Variants in PGLYRP3 observed in about 807,000 individuals in gnomAD.
The protein encoded by PGLYRP3 is peptidoglycan recognition protein I alpha.
Under a neutral mutation model 36.0 loss-of-function variants are expected in PGLYRP3, and 39 were observed. That is an observed-to-expected ratio of 1.08 (90% CI 0.84 to 1.41). The LOEUF (loss-of-function observed/expected upper bound fraction) is 1.41. PGLYRP3 is among the 40% of genes most tolerant of loss of function. The pLI, the probability that PGLYRP3 is intolerant of heterozygous loss-of-function variation, is 0.00. For missense variants in PGLYRP3, 407 were observed against 427.9 expected (o/e 0.95, Z 0.43); for synonymous variants, 204 against 172.8 (o/e 1.18, Z -1.42).
chr1:153,307,496 G>C (rs1280144546), intron 2 of PGLYRP3, among the ~76,000 whole-genome samples: 1 of 152,084 alleles, frequency 6.6e-6, no homozygotes, highest in Non-Finnish European at 1.5e-5. Flanking sequence ...CTTGTTCCCA[G>C]ACAATCTCTC....
Position 153,307,084 on chromosome 1 carries a change from C to T in PGLYRP3, c.239G>A (p.Trp80Ter). 6.2e-7 allele frequency: 1 copy of T among 1,613,810 alleles called. No homozygotes were observed. The change falls in exon 3 of 8, where the codon TGG becomes TAG. Residue 80 changes from tryptophan (W) to a stop codon, truncating the protein, a stop_gained. Transcript: ENST00000683862. LOFTEE classifies it high-confidence loss of function. ...LQSHSVYTIG[W>*]CDVAYNFLVG... ...CTCTTACTTGTACGCCACGTCGCAC[C>T]AGCCTATGGTGTAGACGGAATGGGA...
Position 153,310,650 on chromosome 1 carries a change from A to G in PGLYRP3, c.16T>C (p.Trp6Arg), listed in dbSNP as rs368151243. MGTLP[W>R]LLAFFILGLQ... ...CCCAGAATGAAGAAGGCAAGAAGCC[A>G]TGGCAGCGTCCCCATGTGGTCCCAG... is the stretch of plus-strand genomic sequence containing the variant. Residue 6 changes from tryptophan to arginine, a missense_variant, in exon 2 of 8, where the codon TGG (tryptophan) becomes CGG (arginine). Coordinates refer to ENST00000683862, the MANE Select transcript of PGLYRP3 (RefSeq NM_052891.3). 1 of 1,614,044 alleles carries G rather than the reference A, an allele frequency of 6.2e-7. No homozygotes were observed.
At chr1:153,302,632 A>T in intron 5 of PGLYRP3, 25 bp from the exon 6 acceptor site, 1 of 1,612,330 alleles carries the variant, frequency 6.2e-7, no homozygotes, top group Non-Finnish European at 8.5e-7. Flanking sequence ...AAAGCCAAGG[A>T]AGTAGGAATT....
At chr1:153,311,077 A>G (rs1453187996) in intron 1 of PGLYRP3, among the ~76,000 whole-genome samples, 1 of 152,060 alleles carries the variant, frequency 6.6e-6, no homozygotes, top group African/African-American at 2.4e-5. Context: ...GCAATTTCAT[A>G]TTTGATTCAA....
intron 4 of PGLYRP3, 80 bp from the exon 5 acceptor site, chr1:153,304,089 G>A: frequency 7.4e-7 from 1 of 1,351,152 alleles, no homozygotes; most frequent in Non-Finnish European, 1.0e-6. Flanking sequence ...AGGATGATAT[G>A]ACCACTTGAG....
chr1:153,297,813 A>T lies in PGLYRP3; in HGVS notation c.*143T>A. On this transcript the variant is annotated 3_prime_UTR_variant, in exon 8 of 8. Transcript: ENST00000683862. ...TTGGGGGCTCCTGGAGGATGTTGGCAGGAAAGGACATGACCATTCAAACCT... is the reference window on the plus strand; with the variant it reads ...TTGGGGGCTCCTGGAGGATGTTGGCTGGAAAGGACATGACCATTCAAACCT... The T allele has an allele frequency of 1.1e-6, 1 of 919,652 alleles. No homozygotes were observed. The highest frequency in any genetic ancestry group is 1.6e-6 in the Non-Finnish European group (1 of 613,250). 57.0% of individuals were successfully genotyped at this position (919,652 alleles called of 1,614,324 possible). A position where few individuals can be genotyped will look rare whatever the true frequency, so the allele number is the denominator to read the frequency against.
Position 153,297,919 on chromosome 1 carries a change from G to C in PGLYRP3, c.*37C>G. Reference sequence around the variant, plus strand: ...GGTGAGGGTTGGAGAGACCCAGCAGGGGAGGGAGGGCAGTCTCAAAGGGAG... The same window carrying C: ...GGTGAGGGTTGGAGAGACCCAGCAGCGGAGGGAGGGCAGTCTCAAAGGGAG... On this transcript the variant is annotated 3_prime_UTR_variant, in exon 8 of 8. Transcript: ENST00000683862. The C allele has an allele frequency of 6.2e-7, 1 of 1,604,390 alleles. No individual in the cohort carries two copies. Among genetic ancestry groups the C allele is most frequent in the Non-Finnish European group, 8.5e-7 (1 of 1,173,562 alleles).
Position 153,297,968 on chromosome 1 carries a change from A to G in PGLYRP3, c.1014T>C (p.His338=). The change falls in exon 8 of 8, where the codon CAT becomes CAC. Residue 338 remains histidine, a synonymous_variant. Transcript: ENST00000683862. The stretch of plus-strand genomic sequence containing the variant: ...AGTGGGGCCTCCTTCAGTGCTTGAA[A>G]TGAGGCCAGGTGCTGATGATGTTAT... The part of the protein sequence containing the change: ...ALYNIISTWP[H]FKH The G allele has an allele frequency of 6.2e-7, 1 of 1,613,884 alleles. No individual in the cohort carries two copies. The highest frequency in any genetic ancestry group is 1.1e-5 in the South Asian group (1 of 91,058).
At chr1:153,302,882 C>T (rs1038984994) in intron 5 of PGLYRP3, among the ~76,000 whole-genome samples, 1 of 152,142 alleles carries the variant, frequency 6.6e-6, no homozygotes, top group African/African-American at 2.4e-5. Context: ...GTGGGTTATA[C>T]AGAGGCATGG....
At chr1:153,305,621 C>T (rs1028175730) in intron 3 of PGLYRP3, among the ~76,000 whole-genome samples, 4 of 152,230 alleles carry the variant, frequency 2.6e-5, no homozygotes, top group Non-Finnish European at 5.9e-5. Context: ...TTTCTCTCCT[C>T]CACTTTCCAA....
At chr1:153,302,386 CT>C (rs1335851934) in intron 6 of PGLYRP3, 22 bp downstream of exon 6, 34 of 1,611,200 alleles carry the variant, frequency 2.1e-5, no homozygotes, top group Non-Finnish European at 2.7e-5. Flanking sequence ...AAAGAGGGTT[CT>C]TTTGGCATTG....
Position 153,298,150 on chromosome 1 carries a change from T to C in PGLYRP3, c.848-16A>G. 1 of 1,612,874 alleles carries C rather than the reference T, an allele frequency of 6.2e-7. No homozygotes were observed. The highest frequency in any genetic ancestry group is 8.5e-7 in the Non-Finnish European group (1 of 1,179,326). ...GGAGGCTTTTCTGCAAAACACATTT[T>C]CCCCATCAGTCATTAGGGGCTCAAA... On this transcript the variant is annotated splice_polypyrimidine_tract_variant and intron_variant, in intron 7 of 7. Coordinates refer to ENST00000683862, the MANE Select transcript of PGLYRP3 (RefSeq NM_052891.3).
chr1:153,297,911 C>A lies in PGLYRP3; in HGVS notation c.*45G>T. On this transcript the variant is annotated 3_prime_UTR_variant, in exon 8 of 8. Transcript: ENST00000683862. ...CCTTGGCTGGTGAGGGTTGGAGAGA[C>A]CCAGCAGGGGAGGGAGGGCAGTCTC... 1.3e-6 allele frequency: 2 copies of A among 1,597,746 alleles called. No individual in the cohort carries two copies. Among genetic ancestry groups the A allele is most frequent in the Non-Finnish European group, 1.7e-6 (2 of 1,169,938 alleles).
rs960045534 is a variant in PGLYRP3 at position 153,297,211 on chromosome 1, A to G, written c.*745T>C. Reference sequence around the variant, plus strand: ...TGAGGAACTGAGGATAGAGATGAATAAAATAGAATTCCTCCCTTGGAGAAA... The same window carrying G: ...TGAGGAACTGAGGATAGAGATGAATGAAATAGAATTCCTCCCTTGGAGAAA... On this transcript the variant is annotated 3_prime_UTR_variant, in exon 8 of 8. Coordinates refer to ENST00000683862, the MANE Select transcript of PGLYRP3 (RefSeq NM_052891.3). Among the ~76,000 whole-genome samples the G allele has an allele frequency of 1.3e-5, 2 of 152,202 alleles. No homozygotes were observed. The highest frequency in any genetic ancestry group is 4.8e-5 in the African/African-American group (2 of 41,442).
chr1:153,308,592 C>T (rs1468132926), intron 2 of PGLYRP3, among the ~76,000 whole-genome samples: 1 of 152,218 alleles, frequency 6.6e-6, no homozygotes, highest in Non-Finnish European at 1.5e-5. Flanking sequence ...GCTTGGGTCT[C>T]ACTCCAGGAG....
At chr1:153,304,915 C>G (rs1195960984) in intron 4 of PGLYRP3, 32 bp downstream of exon 4, 1 of 1,560,590 alleles carries the variant, frequency 6.4e-7, no homozygotes, top group Non-Finnish European at 8.8e-7. Flanking sequence ...ACACAACTCT[C>G]CAGCACAGGG....
intron 2 of PGLYRP3, among the ~76,000 whole-genome samples, chr1:153,308,573 A>C (rs1158640127): frequency 6.6e-6 from 1 of 152,334 alleles, no homozygotes; most frequent in Admixed American, 6.5e-5. Context: ...CCTCTGGGAC[A>C]AGCCTCTGGC....
At position 153,307,854 on chromosome 1, in the gene PGLYRP3, G is replaced by A. The variant is rs115320276; in HGVS notation, c.56-587C>T. On this transcript the variant is annotated intron_variant, in intron 2 of 7. Coordinates refer to ENST00000683862, the MANE Select transcript of PGLYRP3 (RefSeq NM_052891.3). Reference sequence around the variant, plus strand: ...GCAGGGCTGTGAGATCCCACCTGCCGCGTCAGGCTACCTGAGGGCTCCCTT... The same window carrying A: ...GCAGGGCTGTGAGATCCCACCTGCCACGTCAGGCTACCTGAGGGCTCCCTT... Among the ~76,000 whole-genome samples, 1,145 of 152,266 alleles carry A rather than the reference G, an allele frequency of 7.5e-3. 16 individuals carry two copies. The highest frequency in any genetic ancestry group is 0.026 in the African/African-American group (1,086 of 41,548).
intron 6 of PGLYRP3, among the ~76,000 whole-genome samples, chr1:153,300,848 A>T (rs529961627): frequency 3.3e-5 from 5 of 152,342 alleles, no homozygotes; most frequent in African/African-American, 7.2e-5. Context: ...TTCCTGTAGC[A>T]TGCATATCCC....
Sources: gnomAD v4.1 joint callset for allele counts (sites outside exome capture counted in the v4.1 genomes callset) on GRCh38, gnomAD v4.1.1 for gene constraint, MANE v1.5 for transcripts, NCBI Gene and HGNC (gene_info 2026-07-23, HGNC 2026-07-21) for gene names.